Variants in SP1 observed in about 807,000 individuals in gnomAD.
SP1 encodes Sp1 transcription factor, also known as transcription factor Sp1.
Under a neutral mutation model 66.3 loss-of-function variants are expected in SP1, and 6 were observed. The observed-to-expected ratio is 0.09, with a 90% CI of 0.05 to 0.18. SP1 has a LOEUF of 0.18. Among genes scored for constraint, SP1 ranks in the 10% least tolerant of loss-of-function variants. SP1 has a pLI of 1.00. For missense variants in SP1, 848 were observed against 964.5 expected (o/e 0.88, Z 1.60); for synonymous variants, 417 against 360.8 (o/e 1.16, Z -1.77).
intron 2 of SP1, 145 bp downstream of exon 2, chr12:53,381,958 CAA>C (rs3832826): frequency 0.17 from 197,805 of 1,173,828 alleles, 17,418 homozygotes; most frequent in East Asian, 0.21. Context: ...TCCCCAAAGA[CAA>C]AGGAGTTTCA....
rs1565807522 is a variant in SP1 at position 53,383,431 on chromosome 12, CCAG to C, written c.1493_1495del (p.Ser498del). The stretch of plus-strand genomic sequence containing the variant: ...ATGCAGGGTGTTTCCTTGGGGCAGA[CCAG>C]CAGCAGCAACACCACTCTCACACCC... On this transcript the variant is annotated inframe_deletion, in exon 3 of 6. Coordinates refer to ENST00000327443, the MANE Select transcript of SP1 (RefSeq NM_138473.3). 1 of 1,614,214 alleles carries C rather than the reference CCAG, an allele frequency of 6.2e-7. No homozygotes were observed. Among genetic ancestry groups the C allele is most frequent in the Non-Finnish European group, 8.5e-7 (1 of 1,180,036 alleles).
intron 3 of SP1, among the ~76,000 whole-genome samples, chr12:53,398,175 T>C (rs984392442): frequency 1.3e-5 from 2 of 152,258 alleles, no homozygotes; most frequent in Non-Finnish European, 2.9e-5. Flanking sequence ...CAAATACATA[T>C]GAACAAATAT....
intron 3 of SP1, among the ~76,000 whole-genome samples, chr12:53,385,242 C>T (rs1938199406): frequency 6.6e-6 from 1 of 151,216 alleles, no homozygotes; most frequent in Non-Finnish European, 1.5e-5. Flanking sequence ...TGCAGTGAGC[C>T]GAGATCACAT....
chr12:53,410,361 T>G (rs977033424), intron 5 of SP1, among the ~76,000 whole-genome samples: 3 of 152,054 alleles, frequency 2.0e-5, no homozygotes, highest in Non-Finnish European at 4.4e-5. Flanking sequence ...TTTTTGAAGG[T>G]GAAGCATTGA....
intron 3 of SP1, among the ~76,000 whole-genome samples, chr12:53,399,841 G>T (rs1194424790): frequency 6.7e-6 from 1 of 149,380 alleles, no homozygotes; most frequent in African/African-American, 2.5e-5. Flanking sequence ...GTGTTGGTCA[G>T]GGTGGTCTTG....
At chr12:53,388,955 G>A (rs1028873233) in intron 3 of SP1, among the ~76,000 whole-genome samples, 1 of 151,462 alleles carries the variant, frequency 6.6e-6, no homozygotes, top group African/African-American at 2.4e-5. Flanking sequence ...ACTCCAGCCT[G>A]GGCAGTAGGG....
chr12:53,383,761 A>G (rs1007068671), intron 3 of SP1, 139 bp downstream of exon 3: 4 of 715,972 alleles, frequency 5.6e-6, no homozygotes, highest in South Asian at 1.9e-5. Flanking sequence ...AATTTGAGAA[A>G]TAGAGATTCT....
In SP1 at chr12:53,398,095, T is replaced by G. The variant is rs118187990; in HGVS notation, c.1676-8490T>G. Among the ~76,000 whole-genome samples, 434 of 152,354 alleles carry G rather than the reference T, an allele frequency of 2.8e-3. 3 individuals are homozygous for G. The highest frequency in any genetic ancestry group is 7.3e-3 in the Admixed American group (111 of 15,282). ...CTGACTGTTAATTTAGTGGAATTTCTTGACTTCTGCTTATAGAAGTAGGAT... is the reference window on the plus strand; with the variant it reads ...CTGACTGTTAATTTAGTGGAATTTCGTGACTTCTGCTTATAGAAGTAGGAT... On this transcript the variant is annotated intron_variant, in intron 3 of 5. Coordinates refer to ENST00000327443, the MANE Select transcript of SP1 (RefSeq NM_138473.3).
chr12:53,400,880 G>C (rs2136910360), intron 3 of SP1, among the ~76,000 whole-genome samples: 1 of 150,212 alleles, frequency 6.7e-6, no homozygotes, highest in East Asian at 2.0e-4. Flanking sequence ...TCCTGCCTCA[G>C]CCTCCTGAGT....
intron 3 of SP1, among the ~76,000 whole-genome samples, chr12:53,399,918 A>G (rs1592566674): frequency 6.6e-6 from 1 of 152,194 alleles, no homozygotes; most frequent in East Asian, 1.9e-4. Flanking sequence ...GGCGTGAGCC[A>G]CCGCGCCTGG....
Position 53,411,594 on chromosome 12 carries a change from G to A in SP1, c.*354G>A. 6.1e-6 allele frequency: 1 copy of A among 164,202 alleles called. No homozygotes were observed. The highest frequency in any genetic ancestry group is 1.3e-5 in the Non-Finnish European group (1 of 76,952). The allele number at this position is 164,202 out of a possible 1,614,324, so 10.2% of individuals were successfully genotyped here. A position where few individuals can be genotyped will look rare whatever the true frequency, so the allele number is the denominator to read the frequency against. ...CCCCCCCCTTTCCTAAAGCCATCAT[G>A]CCTTGATAAATATATATGATCATTG... On this transcript the variant is annotated 3_prime_UTR_variant, in exon 6 of 6. Transcript: ENST00000327443.
At chr12:53,395,626 TTTA>T (rs1174403309) in intron 3 of SP1, among the ~76,000 whole-genome samples, 1 of 152,102 alleles carries the variant, frequency 6.6e-6, no homozygotes, top group African/African-American at 2.4e-5. Context: ...TTATTGAACA[TTTA>T]TTATGTGCCA....
At chr12:53,389,602 C>A (rs557489134) in intron 3 of SP1, among the ~76,000 whole-genome samples, 17 of 151,832 alleles carry the variant, frequency 1.1e-4, no homozygotes, top group Non-Finnish European at 1.9e-4. Flanking sequence ...GGATTACAGG[C>A]GTGATGTTTC....
chr12:53,380,544 C>T, intron 1 of SP1: 3 of 665,716 alleles, frequency 4.5e-6, no homozygotes, highest in Non-Finnish European at 4.0e-6. Context: ...CCCCTGCCCG[C>T]CCCGGCCACG....
chr12:53,386,920 A>T (rs1938242015), intron 3 of SP1, among the ~76,000 whole-genome samples: 1 of 149,536 alleles, frequency 6.7e-6, no homozygotes, highest in African/African-American at 2.5e-5. Flanking sequence ...ACCAAATAAT[A>T]TCACCCAACT....
chr12:53,385,181 G>T (rs544476491), intron 3 of SP1, among the ~76,000 whole-genome samples: 1 of 151,828 alleles, frequency 6.6e-6, no homozygotes, highest in Non-Finnish European at 1.5e-5. Flanking sequence ...TGTAGTCCCA[G>T]CTACTCAGGA....
In SP1 at chr12:53,382,945, C is replaced by G; in HGVS notation, c.998C>G (p.Thr333Ser). 6.2e-7 allele frequency: 1 copy of G among 1,614,166 alleles called. No homozygotes were observed. The highest frequency in any genetic ancestry group is 1.1e-5 in the South Asian group (1 of 91,088). ...AATAGCTACTCAACTACTACTACCA[C>G]CAGCAACATGGGAATTATGAACTTT... ...NANSYSTTTT[T>S]SNMGIMNFTT... is the part of the protein sequence containing the mutation. Residue 333 changes from threonine (T) to serine (S), a missense_variant, in exon 3 of 6, where the codon ACC becomes AGC. Around this residue, in one of 7 missense-constraint regions of SP1, gnomAD observed 606 missense variants for 589.9 expected, o/e 1.03. Coordinates refer to ENST00000327443, the MANE Select transcript of SP1 (RefSeq NM_138473.3).
chr12:53,383,019 A>G lies in SP1; in HGVS notation c.1072A>G (p.Arg358Gly). The G allele has an allele frequency of 1.9e-6, 3 of 1,614,192 alleles. No homozygotes were observed. Among genetic ancestry groups the G allele is most frequent in the African/African-American group, 1.3e-5 (1 of 75,064 alleles). ...CAACTCTCAAGGCCAGACACCCCAG[A>G]GGGTCAGTGGGCTACAGGGGTCTGA... ...GTNSQGQTPQ[R>G]VSGLQGSDAL... Residue 358 changes from arginine (R) to glycine (G), a missense_variant, in exon 3 of 6, where the codon AGG becomes GGG. By Grantham distance (125) the Arg-to-Gly change is moderately radical (BLOSUM62 -2). Coordinates refer to ENST00000327443, the MANE Select transcript of SP1 (RefSeq NM_138473.3).
chr12:53,392,028 G>A (rs1048028517), intron 3 of SP1, among the ~76,000 whole-genome samples: 1 of 152,074 alleles, frequency 6.6e-6, no homozygotes, highest in African/African-American at 2.4e-5. Flanking sequence ...ATTTGGATTT[G>A]TCCTTTTGTT....
Sources: allele counts gnomAD v4.1 joint callset (sites outside exome capture counted in the v4.1 genomes callset), GRCh38; gene constraint gnomAD v4.1.1; regional missense constraint gnomAD v4.1.1; transcripts MANE v1.5; gene names NCBI Gene and HGNC (gene_info 2026-07-23, HGNC 2026-07-21).